METTL8: variants seen among roughly 807,000 people sequenced by gnomAD.
METTL8 encodes the protein tRNA N(3)-cytidine methyltransferase METTL8, mitochondrial.
A neutral mutation model predicts 48.7 loss-of-function variants in METTL8; 32 were observed. That is an observed-to-expected ratio of 0.66 (90% CI 0.50 to 0.88). The LOEUF (loss-of-function observed/expected upper bound fraction) is 0.88. Ranked by LOEUF, METTL8 falls within the 40% of genes least tolerant of loss-of-function variation. METTL8 has a pLI of 0.00. For missense variants in METTL8, 464 were observed against 474.4 expected (o/e 0.98, Z 0.20); for synonymous variants, 136 against 157.1 (o/e 0.87, Z 1.01).
At chr2:171,359,250 A>T (rs566477383) in intron 3 of METTL8, among the ~76,000 whole-genome samples, 10 of 152,160 alleles carry the variant, frequency 6.6e-5, no homozygotes, top group Non-Finnish European at 1.3e-4. Context: ...CAACAGCTAT[A>T]CGAAAAAATG....
At chr2:171,363,576 T>C (rs1264973734) in intron 2 of METTL8, among the ~76,000 whole-genome samples, 1 of 151,424 alleles carries the variant, frequency 6.6e-6, no homozygotes, top group Non-Finnish European at 1.5e-5. Flanking sequence ...ACTAAGAAAT[T>C]CTGTACAGGG....
chr2:171,356,950 A>G (rs1684609146), intron 3 of METTL8, among the ~76,000 whole-genome samples: 2 of 4,746 alleles, frequency 4.2e-4, no homozygotes, highest in African/African-American at 5.9e-4. Context: ...TTCAAAGACA[A>G]TATTTTTTTT....
chr2:171,416,747 G>T (rs1395652970), intron 1 of METTL8, among the ~76,000 whole-genome samples: 3 of 152,224 alleles, frequency 2.0e-5, no homozygotes, highest in Non-Finnish European at 2.9e-5. Flanking sequence ...TGTTATCACT[G>T]TTGTACAGAT....
chr2:171,362,566 A>AAAAAT (rs1685270481), intron 2 of METTL8, among the ~76,000 whole-genome samples: 1 of 145,928 alleles, frequency 6.9e-6, no homozygotes, highest in Admixed American at 6.9e-5. Context: ...TAAAAAAATA[A>AAAAAT]AAATAAATAA....
intron 4 of METTL8, among the ~76,000 whole-genome samples, chr2:171,338,199 A>T (rs1013553319): frequency 6.6e-6 from 1 of 152,252 alleles, no homozygotes; most frequent in African/African-American, 2.4e-5. Flanking sequence ...AAAATAGATA[A>T]GTAAAATTAT....
At chr2:171,375,254 C>G in intron 2 of METTL8, 1 of 1,106,404 alleles carries the variant, frequency 9.0e-7, no homozygotes, top group Non-Finnish European at 1.4e-6. Context: ...TTGGCATGAC[C>G]GTTGTTCCTT....
intron 2 of METTL8, among the ~76,000 whole-genome samples, chr2:171,363,753 T>C (rs960726392): frequency 6.9e-5 from 10 of 144,002 alleles, no homozygotes; most frequent in East Asian, 5.9e-4. Flanking sequence ...TATGGAAAAG[T>C]ATTTATAAAA....
intron 5 of METTL8, 30 bp from the exon 6 acceptor site, chr2:171,331,897 T>C: frequency 6.6e-7 from 1 of 1,520,396 alleles, no homozygotes; most frequent in Non-Finnish European, 9.0e-7. Context: ...ATTTATTTAT[T>C]TTTTTGGAGA....
intron 1 of METTL8, among the ~76,000 whole-genome samples, chr2:171,420,205 T>C (rs773062521): frequency 9.9e-5 from 15 of 152,124 alleles, no homozygotes; most frequent in Non-Finnish European, 1.8e-4. Context: ...ATAAAAATTT[T>C]ATTTAAAAAC....
At chr2:171,387,608 A>G (rs1024161203) in intron 2 of METTL8, among the ~76,000 whole-genome samples, 11 of 151,892 alleles carry the variant, frequency 7.2e-5, no homozygotes, top group African/African-American at 2.4e-4. Flanking sequence ...ATTTAATTGC[A>G]TATATCCAAA....
At chr2:171,370,648 G>A (rs1364194008) in intron 2 of METTL8, among the ~76,000 whole-genome samples, 1 of 151,988 alleles carries the variant, frequency 6.6e-6, no homozygotes, top group African/African-American at 2.4e-5. Context: ...AAAATTAGCC[G>A]GGTGTGGTGG....
intron 2 of METTL8, among the ~76,000 whole-genome samples, chr2:171,388,587 G>A (rs1688293765): frequency 6.6e-6 from 1 of 151,988 alleles, no homozygotes; most frequent in South Asian, 2.1e-4. Flanking sequence ...AACAATATTT[G>A]TGTGTCAGGC....
At position 171,322,868 on chromosome 2, in the gene METTL8, A is replaced by T. The variant is rs552560750; in HGVS notation, c.*1304T>A. On this transcript the variant is annotated 3_prime_UTR_variant, in exon 10 of 10. Coordinates refer to ENST00000375258, the MANE Select transcript of METTL8 (RefSeq NM_001321154.2). Reference sequence around the variant, plus strand: ...TGATTATATGCTACACAAGGGGTGGATTATTCAGGCCTCCCCTTTGTAGAC... The same window carrying T: ...TGATTATATGCTACACAAGGGGTGGTTTATTCAGGCCTCCCCTTTGTAGAC... 3 of 152,154 alleles carry T rather than the reference A, an allele frequency of 2.0e-5. No individual in the cohort carries two copies. The highest frequency in any genetic ancestry group is 2.0e-4 in the Admixed American group (3 of 15,270). The allele number at this position is 152,154 out of a possible 1,614,324, so 9.4% of individuals were successfully genotyped here.
chr2:171,323,203 C>T lies in METTL8; in HGVS notation c.*969G>A, dbSNP rs948905037. On this transcript the variant is annotated 3_prime_UTR_variant, in exon 10 of 10. Transcript: ENST00000375258. ...TGCTCTGGTTCAAAAGCCCTTGATA[C>T]AAGAGCTTGTCAGCTTACATACCTT... 1.4e-5 allele frequency: 2 copies of T among 142,086 alleles called. No individual in the cohort carries two copies. The highest frequency in any genetic ancestry group is 1.4e-4 in the Admixed American group (2 of 14,042). 8.8% of individuals were successfully genotyped at this position (142,086 alleles called of 1,614,324 possible).
intron 1 of METTL8, among the ~76,000 whole-genome samples, chr2:171,399,307 T>C (rs2105587603): frequency 6.6e-6 from 1 of 152,260 alleles, no homozygotes; most frequent in East Asian, 1.9e-4. Context: ...GCATTTATTA[T>C]GCTACCAAGT....
intron 3 of METTL8, among the ~76,000 whole-genome samples, chr2:171,357,100 G>A (rs556976517): frequency 2.3e-4 from 35 of 151,968 alleles, no homozygotes; most frequent in Admixed American, 5.9e-4. Flanking sequence ...TGGGACTACA[G>A]GGATGCACCA....
intron 1 of METTL8, among the ~76,000 whole-genome samples, chr2:171,394,663 T>A (rs1688888985): frequency 6.6e-6 from 1 of 152,228 alleles, no homozygotes; most frequent in Admixed American, 6.5e-5. Flanking sequence ...TGCACAGCCT[T>A]GCATTGCTAT....
intron 1 of METTL8, among the ~76,000 whole-genome samples, chr2:171,405,021 C>T (rs1029948899): frequency 6.6e-6 from 1 of 152,166 alleles, no homozygotes; most frequent in Admixed American, 6.5e-5. Context: ...GACAAGGTTT[C>T]TGGCTTGCAT....
intron 1 of METTL8, among the ~76,000 whole-genome samples, chr2:171,410,000 T>TA (rs906750335): frequency 2.0e-5 from 3 of 151,996 alleles, no homozygotes; most frequent in African/African-American, 7.3e-5. Flanking sequence ...TATATAAACT[T>TA]AAAAAAATCA....
Sources: allele counts gnomAD v4.1 joint callset (sites outside exome capture counted in the v4.1 genomes callset), GRCh38; gene constraint gnomAD v4.1.1; transcripts MANE v1.5; gene names NCBI Gene and HGNC (gene_info 2026-07-23, HGNC 2026-07-21).